SLC6A3: variants seen among roughly 807,000 people sequenced by gnomAD.
SLC6A3 encodes the protein solute carrier family 6 member 3.
Under a neutral mutation model 70.4 loss-of-function variants are expected in SLC6A3, and 19 were observed. The ratio of observed to expected loss-of-function variants is 0.27; its 90% CI spans 0.19 to 0.40. The LOEUF is 0.40. SLC6A3 is among the 10% of genes least tolerant of loss of function. The pLI, the probability that SLC6A3 is intolerant of heterozygous loss-of-function variation, is 1.00. For missense variants in SLC6A3, 613 were observed against 838.5 expected, an observed-to-expected ratio of 0.73 and a Z score of 3.32; for synonymous variants, 368 against 356.6, an observed-to-expected ratio of 1.03 and a Z score of -0.36.
chr5:1,424,249 A>G (rs62331112), intron 4 of SLC6A3, among the ~76,000 whole-genome samples: 29,734 of 152,202 alleles, frequency 0.2, 3,123 homozygotes, highest in South Asian at 0.24. Flanking sequence ...CGTCACCCGC[A>G]CTGTGCAGGG....
At chr5:1,439,269 G>A (rs771174204) in intron 3 of SLC6A3, among the ~76,000 whole-genome samples, 11 of 144,060 alleles carry the variant, frequency 7.6e-5, no homozygotes, top group Non-Finnish European at 1.5e-4. Context: ...GGGGTCGTCT[G>A]GCACCAGTGC....
intron 1 of SLC6A3, among the ~76,000 whole-genome samples, chr5:1,443,493 C>T (rs1263014727): frequency 6.6e-6 from 1 of 152,186 alleles, no homozygotes; most frequent in Non-Finnish European, 1.5e-5. Flanking sequence ...TTTGCTCCTC[C>T]TTCCCCTGCA....
At position 1,421,998 on chromosome 5, in the gene SLC6A3, G is replaced by C. The variant is rs1756447966; in HGVS notation, c.670C>G (p.Leu224Val). The change falls in exon 5 of 15, where the codon CTC becomes GTC. Residue 224 changes from leucine to valine, a missense_variant. Transcript: ENST00000270349. This position sits in a 1 kb window ranked among gnomAD's most constrained non-coding sequence, Gnocchi z 7.2. ...AEYFERGVLH[L>V]HQSHGIDDLG... Reference sequence around the variant, plus strand: ...TCGTCGATGCCATGGCTCTGGTGGAGGTGCAGCACGCCACGTCTGCAGAGG... The same window carrying C: ...TCGTCGATGCCATGGCTCTGGTGGACGTGCAGCACGCCACGTCTGCAGAGG... The C allele has an allele frequency of 1.2e-6, 2 of 1,612,210 alleles. No homozygotes were observed. The highest frequency in any genetic ancestry group is 1.7e-5 in the Admixed American group (1 of 60,010).
At position 1,411,400 on chromosome 5, in the gene SLC6A3, T is replaced by C. The variant is rs1443917330; in HGVS notation, c.1157-45A>G. ...GCTTGCCACAGAGCCCACGCTGTGCTCTCCCGCCCATCCTGCCCCACCCCG... is the reference window on the plus strand; with the variant it reads ...GCTTGCCACAGAGCCCACGCTGTGCCCTCCCGCCCATCCTGCCCCACCCCG... On this transcript the variant is annotated intron_variant, in intron 8 of 14. Transcript: ENST00000270349. This position sits in a 1 kb window ranked among gnomAD's most constrained non-coding sequence, Gnocchi z 6.5. 2.1e-6 allele frequency: 3 copies of C among 1,416,522 alleles called. No individual in the cohort carries two copies. Among genetic ancestry groups the C allele is most frequent in the Non-Finnish European group, 2.9e-6 (3 of 1,026,792 alleles). The allele number at this position is 1,416,522 out of a possible 1,614,324, so 87.7% of individuals were successfully genotyped here. A position where few individuals can be genotyped will look rare whatever the true frequency, so the allele number is the denominator to read the frequency against.
intron 4 of SLC6A3, among the ~76,000 whole-genome samples, chr5:1,430,257 G>C (rs545304923): frequency 2.8e-4 from 42 of 151,984 alleles, no homozygotes; most frequent in Non-Finnish European, 5.7e-4. Context: ...GTCCTCCTCA[G>C]AGTTCGTCAC....
rs949874924 is a variant in SLC6A3, at chr5:1,411,061, C to T, written c.1269+182G>A. On this transcript the variant is annotated intron_variant, in intron 9 of 14. Transcript: ENST00000270349. The surrounding 1 kb of genome is among the most constrained non-coding windows in gnomAD (Gnocchi z 6.5). ...AAAGGGAAAGGTAAACTCCAGTCAC[C>T]ACTCACTCCAGCCCCGAGAAAGGTC... 6.6e-6 allele frequency among the ~76,000 whole-genome samples: 1 copy of T among 152,046 alleles called. No individual in the cohort carries two copies. The highest frequency in any genetic ancestry group is 1.5e-5 in the Non-Finnish European group (1 of 67,988).
At chr5:1,441,880 AC>A (rs545275490) in intron 2 of SLC6A3, among the ~76,000 whole-genome samples, 14 of 150,970 alleles carry the variant, frequency 9.3e-5, no homozygotes, top group African/African-American at 2.9e-4. Flanking sequence ...TGAATCTGTG[AC>A]CCCCCAACTC....
chr5:1,420,463 G>T, intron 6 of SLC6A3, 106 bp downstream of exon 6: 1 of 1,334,522 alleles, frequency 7.5e-7, no homozygotes, highest in Non-Finnish European at 1.1e-6. Flanking sequence ...AAGAACCCTG[G>T]TGTCTGCAAC....
Position 1,401,251 on chromosome 5 carries a change from A to AG in SLC6A3, c.1768-266dup. 1 of 672,982 alleles carries AG rather than the reference A, an allele frequency of 1.5e-6. No individual in the cohort carries two copies. Among genetic ancestry groups the AG allele is most frequent in the Non-Finnish European group, 2.7e-6 (1 of 366,058 alleles). 41.7% of individuals were successfully genotyped at this position (672,982 alleles called of 1,614,324 possible). A position where few individuals can be genotyped will look rare whatever the true frequency, so the allele number is the denominator to read the frequency against. On this transcript the variant is annotated intron_variant, in intron 13 of 14. Transcript: ENST00000270349. The surrounding 1 kb of genome is among the most constrained non-coding windows in gnomAD (Gnocchi z 6.1). The stretch of plus-strand genomic sequence containing the variant: ...AAAGTCTAGCGCAGAGCAGAACATC[A>AG]GCATTTGAGCACTCGCTTGAAAATA...
intron 3 of SLC6A3, among the ~76,000 whole-genome samples, chr5:1,433,128 T>C (rs1427925141): frequency 6.6e-6 from 1 of 152,032 alleles, no homozygotes; most frequent in African/African-American, 2.4e-5. Context: ...CCAGGATCAT[T>C]GAGGCCATCT....
chr5:1,402,234 C>CA lies in SLC6A3; in HGVS notation c.1767+687dup, dbSNP rs973863293. Among the ~76,000 whole-genome samples the CA allele has an allele frequency of 5.3e-5, 8 of 151,908 alleles. No homozygotes were observed. The highest frequency in any genetic ancestry group is 1.9e-4 in the African/African-American group (8 of 41,348). The stretch of plus-strand genomic sequence containing the variant: ...ATCTCAGGTGAGGGCGACCCTCTTC[C>CA]AAGGAGGGAGTGTCCTTGTCTCTTC... On this transcript the variant is annotated intron_variant, in intron 13 of 14. Coordinates refer to ENST00000270349, the MANE Select transcript of SLC6A3 (RefSeq NM_001044.5). This position sits in a 1 kb window ranked among gnomAD's most constrained non-coding sequence, Gnocchi z 8.5.
intron 9 of SLC6A3, among the ~76,000 whole-genome samples, chr5:1,410,398 C>T (rs1174507459): frequency 6.6e-6 from 1 of 152,186 alleles, no homozygotes; most frequent in Non-Finnish European, 1.5e-5. Flanking sequence ...CTGTGGTCAA[C>T]CCAGGAGCCG....
At chr5:1,420,190 C>T (rs1382392455) in intron 6 of SLC6A3, among the ~76,000 whole-genome samples, 6 of 152,208 alleles carry the variant, frequency 3.9e-5, no homozygotes, top group Non-Finnish European at 7.4e-5. Flanking sequence ...GCCAGCCTTC[C>T]GCCAACAGCT....
chr5:1,434,485 CAGTCTTTGG>C (rs1756783498), intron 3 of SLC6A3, among the ~76,000 whole-genome samples: 1 of 152,238 alleles, frequency 6.6e-6, no homozygotes, highest in Non-Finnish European at 1.5e-5. Context: ...CAGTGGTCAG[CAGTCTTTGG>C]AGTGGTGTCA....
chr5:1,432,400 G>C, intron 4 of SLC6A3, 64 bp downstream of exon 4: 1 of 1,266,010 alleles, frequency 7.9e-7, no homozygotes, highest in Non-Finnish European at 1.1e-6. Flanking sequence ...TCCAACCAAG[G>C]GGCTACCATG....
rs997424834 is a variant in SLC6A3, at chr5:1,404,927, G to A, written c.1599+1261C>T. ...TCGAGGTCAGCCCTCTGGGTGTTAAGAGGAGACACCCCCTCAAGGGGAGCC... is the reference window on the plus strand; with the variant it reads ...TCGAGGTCAGCCCTCTGGGTGTTAAAAGGAGACACCCCCTCAAGGGGAGCC... On this transcript the variant is annotated intron_variant, in intron 12 of 14. Coordinates refer to ENST00000270349, the MANE Select transcript of SLC6A3 (RefSeq NM_001044.5). The surrounding 1 kb of genome is among the most constrained non-coding windows in gnomAD (Gnocchi z 5.2). Among the ~76,000 whole-genome samples, 4 of 152,340 alleles carry A rather than the reference G, an allele frequency of 2.6e-5. No homozygotes were observed. The highest frequency in any genetic ancestry group is 2.1e-4 in the South Asian group (1 of 4,822).
Position 1,401,224 on chromosome 5 carries a change from T to C in SLC6A3, c.1768-238A>G. The C allele has an allele frequency of 1.4e-6, 1 of 692,794 alleles. No individual in the cohort carries two copies. 42.9% of individuals were successfully genotyped at this position (692,794 alleles called of 1,614,324 possible). A position where few individuals can be genotyped will look rare whatever the true frequency, so the allele number is the denominator to read the frequency against. ...CGAAGCCAACATCCTGACGGTCCCCTTAAAGTCTAGCGCAGAGCAGAACAT... is the reference window on the plus strand; with the variant it reads ...CGAAGCCAACATCCTGACGGTCCCCCTAAAGTCTAGCGCAGAGCAGAACAT... On this transcript the variant is annotated intron_variant, in intron 13 of 14. Coordinates refer to ENST00000270349, the MANE Select transcript of SLC6A3 (RefSeq NM_001044.5). This position sits in a 1 kb window ranked among gnomAD's most constrained non-coding sequence, Gnocchi z 6.1.
Position 1,420,710 on chromosome 5 carries a change from G to A in SLC6A3, c.793-7C>T, listed in dbSNP as rs2126368294. The A allele has an allele frequency of 6.2e-7, 1 of 1,613,028 alleles. No individual in the cohort carries two copies. The highest frequency in any genetic ancestry group is 8.5e-7 in the Non-Finnish European group (1 of 1,179,890). On this transcript the variant is annotated splice_region_variant and splice_polypyrimidine_tract_variant and intron_variant, in intron 5 of 14. Coordinates refer to ENST00000270349, the MANE Select transcript of SLC6A3 (RefSeq NM_001044.5). ...TGGCTGTGATCCATACCACCTGCAG[G>A]AGAGGACAGTGTCACCAGGCTGCAC...
intron 7 of SLC6A3, 73 bp from the exon 8 acceptor site, chr5:1,414,888 T>G (rs928596475): frequency 6.9e-6 from 11 of 1,592,822 alleles, no homozygotes; most frequent in African/African-American, 1.3e-5. Flanking sequence ...TCATTATTCT[T>G]AATTTACTGT....
Sources: allele counts gnomAD v4.1 joint callset (sites outside exome capture counted in the v4.1 genomes callset), GRCh38; gene constraint gnomAD v4.1.1; non-coding constraint Gnocchi (gnomAD v3.1); transcripts MANE v1.5; gene names NCBI Gene and HGNC (gene_info 2026-07-23, HGNC 2026-07-21).